MARCO: variants seen among roughly 807,000 people sequenced by gnomAD.
MARCO encodes the protein macrophage receptor MARCO.
Under a neutral mutation model 70.0 loss-of-function variants are expected in MARCO, and 72 were observed. That is an observed-to-expected ratio of 1.03 (90% CI 0.85 to 1.25). The LOEUF is 1.25. Among genes scored for constraint, MARCO ranks in the 50% most tolerant of loss-of-function variants. The pLI is 0.00. For missense variants in MARCO, 696 were observed against 659.3 expected (o/e 1.06, Z -0.61); for synonymous variants, 273 against 243.1 (o/e 1.12, Z -1.14).
At chr2:118,983,238 A>G (rs916634887) in intron 12 of MARCO, among the ~76,000 whole-genome samples, 1 of 152,216 alleles carries the variant, frequency 6.6e-6, no homozygotes, top group Non-Finnish European at 1.5e-5. Context: ...ATCTGTAGAC[A>G]GTCTGCCTCC....
chr2:118,962,289 A>C (rs556596353), intron 1 of MARCO, among the ~76,000 whole-genome samples: 1 of 152,266 alleles, frequency 6.6e-6, no homozygotes, highest in Admixed American at 6.5e-5. Flanking sequence ...AATGTGTTGA[A>C]TCTATAAATT....
At chr2:118,971,134 A>T (rs1680160238) in intron 3 of MARCO, among the ~76,000 whole-genome samples, 1 of 152,178 alleles carries the variant, frequency 6.6e-6, no homozygotes, top group African/African-American at 2.4e-5. Flanking sequence ...GTTCAGACAC[A>T]GACACCATGG....
In MARCO at chr2:118,982,362, C is replaced by T. The variant is rs530646849; in HGVS notation, c.1015C>T (p.Pro339Ser). The T allele has an allele frequency of 3.1e-6, 5 of 1,613,826 alleles. No homozygotes were observed. In the South Asian group the frequency reaches 5.5e-5, roughly 18 times the overall value. ...CTGTTGTCCAGGACTTCCAGGGAGC[C>T]CCGGGAGTCCAGGAGCCACAGGCCT... ...SPGRAGLPGSPGSPGATGLKG... is the reference protein window; with the variant it reads ...SPGRAGLPGSSGSPGATGLKG... The change falls in exon 12 of 17, where the codon CCC (proline) becomes TCC (serine). Residue 339 changes from proline (P) to serine (S), a missense_variant. By Grantham distance (74) the Pro-to-Ser change is moderately conservative. Coordinates refer to ENST00000327097, the MANE Select transcript of MARCO (RefSeq NM_006770.4).
Position 118,974,320 on chromosome 2 carries a change from T to G in MARCO, c.461-13T>G, listed in dbSNP as rs774477265. ...TTGACTGACTCATTAGTGTCTCTGT[T>G]CCTCTTCCTCAGGTCTTCAAGGTCA... On this transcript the variant is annotated splice_polypyrimidine_tract_variant and intron_variant, in intron 4 of 16. Coordinates refer to ENST00000327097, the MANE Select transcript of MARCO (RefSeq NM_006770.4). The G allele has an allele frequency of 5.8e-6, 9 of 1,539,670 alleles. No individual in the cohort carries two copies. In the South Asian group the frequency reaches 1.0e-4, roughly 18 times the overall value.
chr2:118,994,190 T>C (rs991446953), intron 16 of MARCO, among the ~76,000 whole-genome samples, 197 bp from the exon 17 acceptor site: 7 of 109,490 alleles, frequency 6.4e-5, no homozygotes, highest in South Asian at 2.9e-4. Flanking sequence ...AAAGTCATTA[T>C]AAAAACAACA....
At chr2:118,958,109 C>G (rs1679872439) in intron 1 of MARCO, among the ~76,000 whole-genome samples, 1 of 151,876 alleles carries the variant, frequency 6.6e-6, no homozygotes, top group East Asian at 1.9e-4. Context: ...GATGCTCACT[C>G]TCACCACTCC....
intron 6 of MARCO, among the ~76,000 whole-genome samples, chr2:118,976,310 G>C (rs1220665668): frequency 6.6e-6 from 1 of 152,136 alleles, no homozygotes; most frequent in Non-Finnish European, 1.5e-5. Context: ...TGGTTCCATA[G>C]AGAGTGTGGA....
chr2:118,942,195 C>T lies in MARCO; in HGVS notation c.-106C>T. On this transcript the variant is annotated 5_prime_UTR_variant, in exon 1 of 17. Transcript: ENST00000327097. ...CCAAAGGGAAGTGCTGCGAGGTTTA[C>T]AACCAGCTGCAGTGGTTCGATGGGA... The T allele has an allele frequency of 1.4e-6, 1 of 707,364 alleles. No individual in the cohort carries two copies. The highest frequency in any genetic ancestry group is 2.5e-6 in the Non-Finnish European group (1 of 402,394). 43.8% of individuals were successfully genotyped at this position (707,364 alleles called of 1,614,324 possible). A position where few individuals can be genotyped will look rare whatever the true frequency, so the allele number is the denominator to read the frequency against.
chr2:118,967,059 T>C (rs1001444443), intron 1 of MARCO, among the ~76,000 whole-genome samples: 31 of 152,180 alleles, frequency 2.0e-4, no homozygotes, highest in Admixed American at 1.9e-3. Flanking sequence ...AGATACCACG[T>C]TGGTGCTGGA....
chr2:118,985,913 A>T (rs950244723), intron 12 of MARCO, among the ~76,000 whole-genome samples: 1 of 152,170 alleles, frequency 6.6e-6, no homozygotes, highest in African/African-American at 2.4e-5. Flanking sequence ...TTGGGGCAAA[A>T]CCGAAGTGCA....
intron 12 of MARCO, among the ~76,000 whole-genome samples, chr2:118,990,337 G>A (rs1252931221): frequency 6.6e-6 from 1 of 152,190 alleles, no homozygotes; most frequent in African/African-American, 2.4e-5. Context: ...GGCCAGTGGT[G>A]CATCTGGGGT....
intron 1 of MARCO, among the ~76,000 whole-genome samples, chr2:118,960,509 A>G (rs1679923641): frequency 6.6e-6 from 1 of 152,132 alleles, no homozygotes; most frequent in African/African-American, 2.4e-5. Flanking sequence ...AATTATAATG[A>G]TGAGAGTTTT....
chr2:118,949,067 G>A (rs1191123185), intron 1 of MARCO, among the ~76,000 whole-genome samples: 3 of 152,188 alleles, frequency 2.0e-5, no homozygotes, highest in Non-Finnish European at 2.9e-5. Flanking sequence ...GGATATATGA[G>A]GTAAAATTGG....
intron 14 of MARCO, 116 bp from the exon 15 acceptor site, chr2:118,992,316 C>A: frequency 1.3e-6 from 1 of 776,480 alleles, no homozygotes; most frequent in Non-Finnish European, 2.2e-6. Context: ...ACAGGCGAGA[C>A]CCACGGAGCA....
intron 6 of MARCO, among the ~76,000 whole-genome samples, chr2:118,975,217 T>C (rs1680257619): frequency 6.6e-6 from 1 of 152,144 alleles, no homozygotes; most frequent in African/African-American, 2.4e-5. Context: ...AACCCAAACA[T>C]CAGTTTTCCA....
intron 1 of MARCO, among the ~76,000 whole-genome samples, chr2:118,963,627 A>T (rs1679990252): frequency 6.6e-6 from 1 of 152,080 alleles, no homozygotes. Flanking sequence ...GCTAGTGTTT[A>T]GTTCTTCTGT....
intron 1 of MARCO, among the ~76,000 whole-genome samples, chr2:118,968,553 T>C (rs1680099481): frequency 6.6e-6 from 1 of 152,126 alleles, no homozygotes; most frequent in African/African-American, 2.4e-5. Flanking sequence ...CTAATAGAGA[T>C]TATCTCATCG....
At chr2:118,977,323 AGAGAG>A in intron 6 of MARCO, 143 bp from the exon 7 acceptor site, 1 of 576,828 alleles carries the variant, frequency 1.7e-6, no homozygotes, top group South Asian at 2.5e-5. Context: ...TGAAAAAGAG[AGAGAG>A]AGAGAGAGTG....
chr2:118,977,426 C>T, intron 6 of MARCO, 45 bp from the exon 7 acceptor site: 3 of 1,513,848 alleles, frequency 2.0e-6, no homozygotes, highest in Non-Finnish European at 2.8e-6. Context: ...ACATTTTAGA[C>T]ATTCTCAGGC....
Sources: gnomAD v4.1 joint callset for allele counts (sites outside exome capture counted in the v4.1 genomes callset) on GRCh38, gnomAD v4.1.1 for gene constraint, MANE v1.5 for transcripts, NCBI Gene and HGNC (gene_info 2026-07-23, HGNC 2026-07-21) for gene names.